APBA1: variants seen among roughly 807,000 people sequenced by gnomAD.
APBA1 encodes amyloid-beta A4 precursor protein-binding family A member 1.
A neutral mutation model predicts 86.6 loss-of-function variants in APBA1; 55 were observed. The observed-to-expected ratio is 0.64, with a 90% confidence interval of 0.51 to 0.80. The LOEUF (loss-of-function observed/expected upper bound fraction) is 0.80, where lower values mean the gene tolerates loss of function less well. Ranked by LOEUF, APBA1 falls within the 30% of genes least tolerant of loss-of-function variation. APBA1 has a pLI of 0.00. For missense variants in APBA1, 1,090 were observed against 1,183.0 expected, an observed-to-expected ratio of 0.92 and a Z score of 1.15; for synonymous variants, 511 against 493.9, an observed-to-expected ratio of 1.03 and a Z score of -0.46.
intron 5 of APBA1, chr9:69,465,574 G>A (rs984256107): frequency 1.5e-4 from 23 of 152,216 alleles, no homozygotes; most frequent in African/African-American, 4.8e-4. Context: ...TCACTACTTC[G>A]TGGAAACAGG....
At chr9:69,622,545 A>C (rs1457295790) in intron 1 of APBA1, among the ~76,000 whole-genome samples, 2 of 150,976 alleles carry the variant, frequency 1.3e-5, no homozygotes, top group Admixed American at 1.3e-4. Flanking sequence ...ATACCTTTTT[A>C]TTCCAAGTGG....
intron 2 of APBA1, among the ~76,000 whole-genome samples, chr9:69,481,456 C>G (rs1349558790): frequency 2.6e-5 from 4 of 151,834 alleles, no homozygotes; most frequent in Admixed American, 1.3e-4. Context: ...AACCACTGCT[C>G]AAGGAAATAA....
At chr9:69,594,643 T>C (rs1161082248) in intron 1 of APBA1, among the ~76,000 whole-genome samples, 2 of 152,156 alleles carry the variant, frequency 1.3e-5, no homozygotes, top group African/African-American at 2.4e-5. Context: ...TAATAATATA[T>C]AGAAATAACC....
chr9:69,467,789 C>T (rs760647760), intron 5 of APBA1, 34 bp downstream of exon 5: 2 of 1,613,422 alleles, frequency 1.2e-6, no homozygotes, highest in Non-Finnish European at 1.7e-6. Flanking sequence ...TACACCAGCC[C>T]CCTGTCCCTG....
At chr9:69,513,306 G>A (rs1476972844) in intron 2 of APBA1, among the ~76,000 whole-genome samples, 1 of 152,208 alleles carries the variant, frequency 6.6e-6, no homozygotes, top group Non-Finnish European at 1.5e-5. Context: ...CCCTACCATA[G>A]GCTGTACTGT....
rs1343499889 is a variant in APBA1, at chr9:69,452,287, T to C, written c.1803A>G (p.Ala601=). The change falls in exon 9 of 13, where the codon GCA becomes GCG. Residue 601 remains alanine, a synonymous_variant. Coordinates refer to ENST00000265381, the MANE Select transcript of APBA1 (RefSeq NM_001163.4). ...CGCTAAATGCCTGTCCGATGGACTG[T>C]GCAATCAGCTGAGCCTGGAACAGCA... ...VFESEDAQLI[A]QSIGQAFSVA... 4 of 1,614,018 alleles carry C rather than the reference T, an allele frequency of 2.5e-6. No individual in the cohort carries two copies. In the African/African-American group the frequency reaches 5.3e-5, roughly 22 times the overall value.
chr9:69,455,837 C>T (rs1835086488), intron 8 of APBA1, among the ~76,000 whole-genome samples: 1 of 152,164 alleles, frequency 6.6e-6, no homozygotes, highest in African/African-American at 2.4e-5. Context: ...AAGGGAAACG[C>T]AGCTAGCCCC....
intron 1 of APBA1, among the ~76,000 whole-genome samples, chr9:69,642,255 C>A (rs949858391): frequency 2.0e-5 from 3 of 152,120 alleles, no homozygotes; most frequent in Non-Finnish European, 4.4e-5. Flanking sequence ...CATAAACAAC[C>A]CTTACAACTC....
intron 1 of APBA1, among the ~76,000 whole-genome samples, chr9:69,558,533 T>TATAC (rs1554701106): frequency 1.1e-4 from 16 of 145,194 alleles, no homozygotes; most frequent in Middle Eastern, 3.6e-3. Flanking sequence ...TATATATATA[T>TATAC]ACACACACAC....
At chr9:69,572,254 C>G (rs1185923730) in intron 1 of APBA1, among the ~76,000 whole-genome samples, 1 of 152,170 alleles carries the variant, frequency 6.6e-6, no homozygotes, top group Non-Finnish European at 1.5e-5. Flanking sequence ...GCCGTCCCCC[C>G]TGACAGGCCC....
rs190430237 is a variant in APBA1 at position 69,640,913 on chromosome 9, G to A, written c.-70+31240C>T. ...GCCCATGTAATAAGGAAAGAGGAGA[G>A]GGGAGAGGGGAGAGGGGAGAGGGGA... On this transcript the variant is annotated intron_variant, in intron 1 of 12. Transcript: ENST00000265381. Among the ~76,000 whole-genome samples, 618 of 150,240 alleles carry A rather than the reference G, an allele frequency of 4.1e-3. 1 individual carries two copies. The highest frequency in any genetic ancestry group is 0.014 in the Middle Eastern group (4 of 294).
At chr9:69,476,342 C>T (rs1835446578) in intron 2 of APBA1, among the ~76,000 whole-genome samples, 199 bp from the exon 3 acceptor site, 1 of 152,184 alleles carries the variant, frequency 6.6e-6, no homozygotes, top group Non-Finnish European at 1.5e-5. Context: ...TCAAGTCCTG[C>T]CATGCTTTCA....
At chr9:69,610,352 T>C (rs1247317805) in intron 1 of APBA1, among the ~76,000 whole-genome samples, 1 of 152,116 alleles carries the variant, frequency 6.6e-6, no homozygotes, top group Non-Finnish European at 1.5e-5. Context: ...ATTGTATCCT[T>C]CTTGGGACTA....
At chr9:69,618,891 C>G (rs1344097363) in intron 1 of APBA1, among the ~76,000 whole-genome samples, 6 of 152,204 alleles carry the variant, frequency 3.9e-5, no homozygotes, top group Non-Finnish European at 7.3e-5. Flanking sequence ...GCTGGGGTAT[C>G]TTAGGTCTAA....
In APBA1 at chr9:69,573,603, A is replaced by C. The variant is rs1019626551; in HGVS notation, c.-69-56324T>G. Among the ~76,000 whole-genome samples, 9 of 152,318 alleles carry C rather than the reference A, an allele frequency of 5.9e-5. No homozygotes were observed. In the South Asian group the frequency reaches 1.9e-3, roughly 32 times the overall value. ...TGTGATATCTTTAGATTCTAGTCCC[A>C]GTCTTTTGTATTTACTGCTGCGGTA... On this transcript the variant is annotated intron_variant, in intron 1 of 12. Transcript: ENST00000265381.
chr9:69,515,896 C>A, intron 2 of APBA1, 115 bp downstream of exon 2: 1 of 1,151,344 alleles, frequency 8.7e-7, no homozygotes. Flanking sequence ...AAGTTCTTAG[C>A]GTCCCCACAG....
intron 8 of APBA1, among the ~76,000 whole-genome samples, chr9:69,453,385 C>G (rs1010803840): frequency 1.3e-5 from 2 of 152,198 alleles, no homozygotes; most frequent in Admixed American, 6.5e-5. Context: ...CAAATTCACA[C>G]AGCTTGCAGG....
intron 1 of APBA1, among the ~76,000 whole-genome samples, chr9:69,575,343 T>C (rs1821772015): frequency 6.6e-6 from 1 of 152,114 alleles, no homozygotes; most frequent in African/African-American, 2.4e-5. Flanking sequence ...CTTCACAGAA[T>C]TGGAAAAAAC....
chr9:69,524,868 T>C (rs1272734383), intron 1 of APBA1, among the ~76,000 whole-genome samples: 1 of 152,028 alleles, frequency 6.6e-6, no homozygotes, highest in East Asian at 1.9e-4. Context: ...CAACAGCACA[T>C]CAAAAAGTGA....
Sources: allele counts gnomAD v4.1 joint callset (sites outside exome capture counted in the v4.1 genomes callset), GRCh38; gene constraint gnomAD v4.1.1; transcripts MANE v1.5; gene names NCBI Gene and HGNC (gene_info 2026-07-23, HGNC 2026-07-21).